Variants in DNAH9 observed in about 807,000 individuals in gnomAD.
DNAH9 encodes dynein axonemal heavy chain 9.
Under a neutral mutation model 471.6 loss-of-function variants are expected in DNAH9, and 345 were observed. The ratio of observed to expected loss-of-function variants is 0.73; its 90% CI spans 0.67 to 0.80. DNAH9 has a LOEUF of 0.80. Ranked by LOEUF, DNAH9 falls within the 30% of genes least tolerant of loss-of-function variation. The pLI is 0.00. For synonymous variants in DNAH9, 2,093 were observed against 2,123.6 expected (o/e 0.99, Z 0.40); for missense variants, 5,407 against 5,609.2 (o/e 0.96, Z 1.15).
At position 11,669,477 on chromosome 17, in the gene DNAH9, G is replaced by A; in HGVS notation, c.3036G>A (p.Gln1012=). ...LCCGYQSTFS[Q]YSYLYVEDRK... ...GTGGCTATCAGAGCACCTTCAGCCA[G>A]TATTCGTACCTCTATGTGGAGGACC... The change falls in exon 17 of 69, where the codon CAG becomes CAA. Residue 1012 remains glutamine, a synonymous_variant. Coordinates refer to ENST00000262442, the MANE Select transcript of DNAH9 (RefSeq NM_001372.4). 1 of 1,614,180 alleles carries A rather than the reference G, an allele frequency of 6.2e-7. No individual in the cohort carries two copies. The highest frequency in any genetic ancestry group is 8.5e-7 in the Non-Finnish European group (1 of 1,180,038).
At chr17:11,907,089 G>A (rs1221168657) in intron 61 of DNAH9, among the ~76,000 whole-genome samples, 2 of 152,182 alleles carry the variant, frequency 1.3e-5, no homozygotes, top group African/African-American at 4.8e-5. Flanking sequence ...ATAAGGGGTG[G>A]TGGAGACCAA....
intron 49 of DNAH9, among the ~76,000 whole-genome samples, chr17:11,853,525 C>T (rs540104069): frequency 3.3e-5 from 5 of 152,220 alleles, no homozygotes; most frequent in Admixed American, 3.3e-4. Context: ...GCAGAAAATG[C>T]TGTTTTGCTA....
intron 15 of DNAH9, among the ~76,000 whole-genome samples, chr17:11,666,916 T>C (rs888840127): frequency 6.6e-5 from 10 of 152,190 alleles, no homozygotes; most frequent in African/African-American, 2.4e-4. Flanking sequence ...TCCCAAGGCT[T>C]GGGTTGGTTT....
intron 48 of DNAH9, among the ~76,000 whole-genome samples, chr17:11,826,358 T>TG (rs67408362): frequency 0.25 from 38,430 of 150,772 alleles, 5,122 homozygotes; most frequent in South Asian, 0.39. Context: ...GGCCGGAAGC[T>TG]GGGGGGGTAA....
chr17:11,890,751 C>T (rs1354119262), intron 57 of DNAH9, among the ~76,000 whole-genome samples: 1 of 152,240 alleles, frequency 6.6e-6, no homozygotes, highest in Non-Finnish European at 1.5e-5. Context: ...CTCTGTTGCC[C>T]AGGCTGGAGT....
At chr17:11,913,790 A>G (rs1329278982) in intron 61 of DNAH9, among the ~76,000 whole-genome samples, 1 of 152,012 alleles carries the variant, frequency 6.6e-6, no homozygotes, top group Non-Finnish European at 1.5e-5. Flanking sequence ...TCAAAAAAAA[A>G]AAAAGAAAAG....
At chr17:11,788,882 T>A (rs1349622984) in intron 41 of DNAH9, among the ~76,000 whole-genome samples, 1 of 152,152 alleles carries the variant, frequency 6.6e-6, no homozygotes, top group Non-Finnish European at 1.5e-5. Flanking sequence ...TTTTTCTGGG[T>A]ACCTTTTACC....
chr17:11,697,556 C>T (rs924851206), intron 22 of DNAH9, among the ~76,000 whole-genome samples: 13 of 152,090 alleles, frequency 8.5e-5, no homozygotes, highest in South Asian at 4.1e-4. Flanking sequence ...TATCTGAAAA[C>T]GAGTGCTTTT....
intron 36 of DNAH9, among the ~76,000 whole-genome samples, chr17:11,767,071 C>T (rs554446210): frequency 5.3e-5 from 8 of 152,118 alleles, no homozygotes; most frequent in South Asian, 2.1e-4. Context: ...GTACAAGGTG[C>T]GGTCAAGCAC....
Position 11,891,691 on chromosome 17 carries a change from A to G in DNAH9, c.11113-86A>G. On this transcript the variant is annotated intron_variant, in intron 57 of 68. Coordinates refer to ENST00000262442, the MANE Select transcript of DNAH9 (RefSeq NM_001372.4). Reference sequence around the variant, plus strand: ...TGGGAAAAAATTTCTATGGGCTGGAAAACTATCACATTCTTCGCAGGTAAG... The same window carrying G: ...TGGGAAAAAATTTCTATGGGCTGGAGAACTATCACATTCTTCGCAGGTAAG... 2.0e-6 allele frequency: 3 copies of G among 1,470,060 alleles called. No homozygotes were observed. The South Asian group carries it at 4.2e-5, about 21-fold the overall frequency. 91.1% of individuals were successfully genotyped at this position (1,470,060 alleles called of 1,614,324 possible).
At chr17:11,888,592 T>C (rs1292341425) in intron 57 of DNAH9, among the ~76,000 whole-genome samples, 1 of 152,182 alleles carries the variant, frequency 6.6e-6, no homozygotes, top group Non-Finnish European at 1.5e-5. Context: ...GCTCCATTTT[T>C]AAAGTAGGGG....
chr17:11,811,205 T>C (rs1418074793), intron 45 of DNAH9, among the ~76,000 whole-genome samples: 1 of 151,906 alleles, frequency 6.6e-6, no homozygotes, highest in African/African-American at 2.4e-5. Flanking sequence ...CCCAGCTACT[T>C]GGGAGGCTGA....
At chr17:11,602,768 C>T (rs2072412829) in intron 1 of DNAH9, among the ~76,000 whole-genome samples, 2 of 152,174 alleles carry the variant, frequency 1.3e-5, no homozygotes, top group Admixed American at 1.3e-4. Context: ...TAAGCAGCCC[C>T]TCCCATGGCC....
chr17:11,603,418 G>T (rs906130125), intron 1 of DNAH9, among the ~76,000 whole-genome samples: 18 of 152,196 alleles, frequency 1.2e-4, no homozygotes, highest in Admixed American at 1.0e-3. Context: ...ACAAGTCCAC[G>T]AACTCTTATG....
At chr17:11,935,406 C>T (rs1420731013) in intron 65 of DNAH9, among the ~76,000 whole-genome samples, 3 of 145,534 alleles carry the variant, frequency 2.1e-5, no homozygotes, top group Non-Finnish European at 4.5e-5. Flanking sequence ...GACGGAGTCT[C>T]ACTCTGTCAC....
chr17:11,730,762 A>ATGG (rs2150818819), intron 28 of DNAH9, among the ~76,000 whole-genome samples: 1 of 151,762 alleles, frequency 6.6e-6, no homozygotes, highest in African/African-American at 2.4e-5. Context: ...GATGTTAGTG[A>ATGG]TGATGATGAT....
intron 28 of DNAH9, among the ~76,000 whole-genome samples, chr17:11,732,586 C>T (rs1414605044): frequency 1.3e-5 from 2 of 151,858 alleles, no homozygotes; most frequent in Non-Finnish European, 2.9e-5. Flanking sequence ...CTCATGTCTC[C>T]ATGAGACTGG....
chr17:11,937,636 C>T lies in DNAH9; in HGVS notation c.12660+114C>T. The T allele has an allele frequency of 8.6e-7, 1 of 1,163,830 alleles. No individual in the cohort carries two copies. The highest frequency in any genetic ancestry group is 1.1e-6 in the Non-Finnish European group (1 of 871,352). The allele number at this position is 1,163,830 out of a possible 1,614,324, so 72.1% of individuals were successfully genotyped here. A position where few individuals can be genotyped will look rare whatever the true frequency, so the allele number is the denominator to read the frequency against. ...TACACAGCATAGACAACACACAAAG[C>T]ACCAACCACCTGCAGCCTGGAGATG... On this transcript the variant is annotated intron_variant, in intron 66 of 68. Transcript: ENST00000262442. The surrounding 1 kb of genome is among the most constrained non-coding windows in gnomAD (Gnocchi z 4.1).
At chr17:11,817,279 C>T (rs1413187148) in intron 45 of DNAH9, among the ~76,000 whole-genome samples, 2 of 152,104 alleles carry the variant, frequency 1.3e-5, no homozygotes, top group Non-Finnish European at 1.5e-5. Flanking sequence ...GTTCCCTATT[C>T]AGAGGTGTTT....
Sources: allele counts gnomAD v4.1 joint callset (sites outside exome capture counted in the v4.1 genomes callset), GRCh38; gene constraint gnomAD v4.1.1; non-coding constraint Gnocchi (gnomAD v3.1); transcripts MANE v1.5; gene names NCBI Gene and HGNC (gene_info 2026-07-23, HGNC 2026-07-21).